NUFIP1: variants seen among roughly 807,000 people sequenced by gnomAD.
NUFIP1 encodes FMR1-interacting protein NUFIP1.
NUFIP1 carries 38 observed loss-of-function variants against 56.2 expected under a neutral mutation model. The ratio of observed to expected loss-of-function variants is 0.68; its 90% confidence interval spans 0.52 to 0.89. The LOEUF (loss-of-function observed/expected upper bound fraction) is 0.89, where lower values mean the gene tolerates loss of function less well. Ranked by LOEUF, NUFIP1 falls within the 40% of genes least tolerant of loss-of-function variation. The pLI is 0.00. For synonymous variants in NUFIP1, 215 were observed against 212.4 expected, an observed-to-expected ratio of 1.01 and a Z score of -0.10; for missense variants, 567 against 605.8, an observed-to-expected ratio of 0.94 and a Z score of 0.67.
intron 8 of NUFIP1, among the ~76,000 whole-genome samples, chr13:44,944,507 T>C (rs1043061290): frequency 8.5e-5 from 13 of 152,126 alleles, no homozygotes; most frequent in Non-Finnish European, 4.4e-5. Flanking sequence ...GATTGAATAT[T>C]GAACGTTCCA....
chr13:44,965,399 G>T (rs978272206), intron 6 of NUFIP1, among the ~76,000 whole-genome samples: 3 of 152,192 alleles, frequency 2.0e-5, no homozygotes, highest in African/African-American at 7.2e-5. Context: ...CCAGTGTCAA[G>T]TATCCAATCA....
intron 5 of NUFIP1, among the ~76,000 whole-genome samples, chr13:44,978,969 C>T: frequency 6.6e-6 from 1 of 152,110 alleles, no homozygotes; most frequent in Non-Finnish European, 1.5e-5. Context: ...AGTAGCCCCC[C>T]TCAAAGAGCA....
chr13:44,968,678 T>C (rs900881093), intron 5 of NUFIP1, among the ~76,000 whole-genome samples: 47 of 152,176 alleles, frequency 3.1e-4, no homozygotes, highest in Non-Finnish European at 1.6e-4. Flanking sequence ...CTCAACACCC[T>C]CCACAATTCT....
At chr13:44,947,079 T>A (rs1870922121) in intron 8 of NUFIP1, among the ~76,000 whole-genome samples, 1 of 152,132 alleles carries the variant, frequency 6.6e-6, no homozygotes. Context: ...TTGTTATCTA[T>A]AAAAGAAAAG....
intron 6 of NUFIP1, among the ~76,000 whole-genome samples, chr13:44,959,967 T>A (rs1377949528): frequency 1.3e-5 from 2 of 151,824 alleles, no homozygotes; most frequent in Non-Finnish European, 2.9e-5. Flanking sequence ...AATCTTGCTC[T>A]GTCACCCAGG....
chr13:44,986,879 A>T (rs1193272414), intron 1 of NUFIP1, among the ~76,000 whole-genome samples: 1 of 152,150 alleles, frequency 6.6e-6, no homozygotes, highest in Non-Finnish European at 1.5e-5. Flanking sequence ...TTATAATATT[A>T]TATAAACTTA....
chr13:44,966,203 A>G (rs749449336), intron 5 of NUFIP1, among the ~76,000 whole-genome samples: 3 of 152,214 alleles, frequency 2.0e-5, no homozygotes, highest in Admixed American at 6.5e-5. Context: ...TATATCATAC[A>G]ATGTGCTCAA....
chr13:44,988,174 C>T (rs1214019730), intron 1 of NUFIP1, among the ~76,000 whole-genome samples: 7 of 152,210 alleles, frequency 4.6e-5, no homozygotes, highest in Non-Finnish European at 7.3e-5. Context: ...AATCCCAACA[C>T]TTTGGGAGGC....
chr13:44,955,052 T>C (rs1170643957), intron 7 of NUFIP1, among the ~76,000 whole-genome samples: 6 of 152,324 alleles, frequency 3.9e-5, no homozygotes, highest in African/African-American at 1.4e-4. Context: ...TGACTTACTG[T>C]TTAAAACTAC....
chr13:44,985,918 A>G (rs1227779526), intron 1 of NUFIP1, among the ~76,000 whole-genome samples: 1 of 152,240 alleles, frequency 6.6e-6, no homozygotes, highest in East Asian at 1.9e-4. Context: ...AAGCTGATAC[A>G]AGCCAAAAGC....
intron 1 of NUFIP1, among the ~76,000 whole-genome samples, chr13:44,984,858 G>T (rs373923560): frequency 6.6e-6 from 1 of 151,588 alleles, no homozygotes; most frequent in South Asian, 2.1e-4. Flanking sequence ...ATACCTCCCC[G>T]TTCCCCCCAC....
intron 5 of NUFIP1, among the ~76,000 whole-genome samples, chr13:44,977,511 T>C (rs1376250180): frequency 6.6e-6 from 1 of 152,240 alleles, no homozygotes; most frequent in Non-Finnish European, 1.5e-5. Flanking sequence ...TGTTACAGAC[T>C]GGCACTCTGG....
intron 8 of NUFIP1, 72 bp downstream of exon 8, chr13:44,949,650 T>G: frequency 1.2e-6 from 1 of 838,066 alleles, no homozygotes; most frequent in Non-Finnish European, 1.9e-6. Flanking sequence ...CTGGATGTTA[T>G]TAATGCGCAG....
At chr13:44,986,775 G>A (rs1324011760) in intron 1 of NUFIP1, among the ~76,000 whole-genome samples, 1 of 152,052 alleles carries the variant, frequency 6.6e-6, no homozygotes, top group African/African-American at 2.4e-5. Flanking sequence ...ATGAGAAGTG[G>A]CTTCTTATGG....
At chr13:44,957,278 C>A (rs1438813389) in intron 7 of NUFIP1, among the ~76,000 whole-genome samples, 1 of 152,132 alleles carries the variant, frequency 6.6e-6, no homozygotes, top group Non-Finnish European at 1.5e-5. Context: ...ATGGTGTGAT[C>A]TCAACTCACT....
chr13:44,971,875 A>G (rs1389687498), intron 5 of NUFIP1, among the ~76,000 whole-genome samples: 2 of 152,002 alleles, frequency 1.3e-5, no homozygotes, highest in Non-Finnish European at 2.9e-5. Context: ...GCCTACGTCC[A>G]TGGTACTGTC....
chr13:44,947,589 A>G (rs1387156051), intron 8 of NUFIP1, among the ~76,000 whole-genome samples: 1 of 152,158 alleles, frequency 6.6e-6, no homozygotes. Context: ...AGGTGATCTC[A>G]AAGATCCCTT....
rs770344882 is a variant in NUFIP1 at position 44,982,072 on chromosome 13, C to CT, written c.494dup (p.Lys166GlufsTer12). On this transcript the variant is annotated frameshift_variant and splice_region_variant, in exon 2 of 10. Coordinates refer to ENST00000379161, the MANE Select transcript of NUFIP1 (RefSeq NM_012345.3). LOFTEE classifies it high-confidence loss of function. ...AAATTCAAGAACATCTTTCAAATAC[C>CT]TTTTTTTTCTGTTTTCTACTGGGAG... The CT allele has an allele frequency of 9.3e-5, 137 of 1,472,618 alleles. No homozygotes were observed. Among genetic ancestry groups the CT allele is most frequent in the Middle Eastern group, 3.6e-4 (2 of 5,520 alleles). 91.2% of individuals were successfully genotyped at this position (1,472,618 alleles called of 1,614,324 possible).
intron 9 of NUFIP1, among the ~76,000 whole-genome samples, chr13:44,941,837 T>C (rs940674610): frequency 2.0e-5 from 3 of 151,926 alleles, no homozygotes; most frequent in Non-Finnish European, 4.4e-5. Flanking sequence ...TTTTAAACAG[T>C]ACTAACGCTT....
Sources: gnomAD v4.1 joint callset for allele counts (sites outside exome capture counted in the v4.1 genomes callset) on GRCh38, gnomAD v4.1.1 for gene constraint, MANE v1.5 for transcripts, NCBI Gene and HGNC (gene_info 2026-07-23, HGNC 2026-07-21) for gene names.